The following SCCPDH variants were observed in gnomAD, a reference collection of about 807,000 sequenced individuals.
SCCPDH encodes saccharopine dehydrogenase (putative).
SCCPDH carries 34 observed loss-of-function variants against 51.5 expected under a neutral mutation model. That is an observed-to-expected ratio of 0.66 (90% CI 0.50 to 0.88). SCCPDH has a LOEUF of 0.88. SCCPDH is among the 40% of genes least tolerant of loss of function. The pLI is 0.00. For synonymous variants in SCCPDH, 187 were observed against 191.3 expected (o/e 0.98, Z 0.19); for missense variants, 464 against 527.1 (o/e 0.88, Z 1.17).
At chr1:246,740,754 T>G (rs1668663603) in intron 4 of SCCPDH, among the ~76,000 whole-genome samples, 2 of 152,210 alleles carry the variant, frequency 1.3e-5, no homozygotes, top group Non-Finnish European at 1.5e-5. Context: ...TTGAAGTTAC[T>G]GATGTTTTGC....
intron 2 of SCCPDH, among the ~76,000 whole-genome samples, chr1:246,731,188 C>A (rs141618056): frequency 2.0e-5 from 3 of 152,142 alleles, no homozygotes; most frequent in Non-Finnish European, 2.9e-5. Flanking sequence ...GTTCACCTGT[C>A]TCAGACAAGC....
At chr1:246,729,508 C>G (rs760919313) in intron 2 of SCCPDH, among the ~76,000 whole-genome samples, 10 of 152,208 alleles carry the variant, frequency 6.6e-5, no homozygotes, top group Non-Finnish European at 1.3e-4. Flanking sequence ...AGAAATATGA[C>G]TCTCTTCTGC....
intron 10 of SCCPDH, among the ~76,000 whole-genome samples, chr1:246,764,564 T>G (rs543366665): frequency 6.6e-6 from 1 of 152,336 alleles, no homozygotes; most frequent in South Asian, 2.1e-4. Flanking sequence ...CTCTGGCTGT[T>G]TTTGGAGTAT....
At chr1:246,759,782 A>G (rs942353474) in intron 7 of SCCPDH, among the ~76,000 whole-genome samples, 175 bp from the exon 8 acceptor site, 1 of 152,266 alleles carries the variant, frequency 6.6e-6, no homozygotes, top group East Asian at 1.9e-4. Flanking sequence ...CAAACAAAAA[A>G]TAGGCTCCCA....
intron 3 of SCCPDH, among the ~76,000 whole-genome samples, chr1:246,736,620 G>T (rs1572295054): frequency 6.6e-6 from 1 of 152,004 alleles, no homozygotes; most frequent in East Asian, 1.9e-4. Flanking sequence ...AGAATGGGGT[G>T]AACCTAGGAG....
intron 3 of SCCPDH, among the ~76,000 whole-genome samples, chr1:246,739,240 C>T (rs1032163244): frequency 4.6e-5 from 7 of 152,162 alleles, no homozygotes; most frequent in African/African-American, 1.7e-4. Flanking sequence ...AGCATTAACC[C>T]TGGTAAATCA....
intron 2 of SCCPDH, among the ~76,000 whole-genome samples, chr1:246,727,420 A>T (rs1416317802): frequency 6.6e-6 from 1 of 152,230 alleles, no homozygotes; most frequent in Non-Finnish European, 1.5e-5. Flanking sequence ...TATTGAATAA[A>T]TATTTATTGA....
chr1:246,735,275 A>G (rs552485769), intron 2 of SCCPDH, among the ~76,000 whole-genome samples: 8 of 152,286 alleles, frequency 5.3e-5, no homozygotes, highest in Admixed American at 2.0e-4. Context: ...CTTCCTACTC[A>G]AGTGAATTTG....
chr1:246,765,724 C>T (rs1314759994), intron 10 of SCCPDH, among the ~76,000 whole-genome samples: 1 of 152,102 alleles, frequency 6.6e-6, no homozygotes, highest in African/African-American at 2.4e-5. Context: ...AGTGTGGACT[C>T]TGGAACCAGC....
intron 9 of SCCPDH, among the ~76,000 whole-genome samples, chr1:246,761,621 C>T (rs1669017355): frequency 1.3e-5 from 2 of 152,196 alleles, no homozygotes; most frequent in African/African-American, 2.4e-5. Context: ...TTTGATGACT[C>T]CAAGTGCCTC....
intron 5 of SCCPDH, among the ~76,000 whole-genome samples, chr1:246,748,997 G>C (rs183135083): frequency 3.6e-4 from 55 of 152,346 alleles, no homozygotes; most frequent in African/African-American, 1.3e-3. Flanking sequence ...TAACTTTTCC[G>C]TCTGCCGTGA....
At position 246,766,143 on chromosome 1, in the gene SCCPDH, A is replaced by T; in HGVS notation, c.1184+4A>T. 6.3e-7 allele frequency: 1 copy of T among 1,598,516 alleles called. No individual in the cohort carries two copies. The highest frequency in any genetic ancestry group is 1.3e-5 in the African/African-American group (1 of 74,348). ...ATGCTTCTCATCTGCCTAAGGCGTAAGTTTGGTTTTCTTCCAATTAGAAGA... is the reference window on the plus strand; with the variant it reads ...ATGCTTCTCATCTGCCTAAGGCGTATGTTTGGTTTTCTTCCAATTAGAAGA... On this transcript the variant is annotated splice_donor_region_variant and intron_variant, in intron 11 of 11. Coordinates refer to ENST00000366510, the MANE Select transcript of SCCPDH (RefSeq NM_016002.3).
chr1:246,763,520 T>TTG (rs1262318593), intron 9 of SCCPDH, among the ~76,000 whole-genome samples: 4 of 152,146 alleles, frequency 2.6e-5, no homozygotes, highest in African/African-American at 4.8e-5. Context: ...TAAAATGTGT[T>TTG]TGTGTGTGTG....
intron 9 of SCCPDH, 51 bp downstream of exon 9, chr1:246,760,278 G>T: frequency 6.8e-7 from 1 of 1,476,374 alleles, no homozygotes; most frequent in South Asian, 1.2e-5. Flanking sequence ...TTTGTGCAAT[G>T]ACGGTATCAT....
intron 5 of SCCPDH, among the ~76,000 whole-genome samples, chr1:246,748,606 G>A (rs563080317): frequency 7.0e-4 from 106 of 152,254 alleles, no homozygotes; most frequent in Non-Finnish European, 1.4e-3. Flanking sequence ...TAGATGTAAT[G>A]TATCCAGTCT....
At chr1:246,760,269 T>C in intron 9 of SCCPDH, 42 bp downstream of exon 9, 1 of 1,529,478 alleles carries the variant, frequency 6.5e-7, no homozygotes, top group Non-Finnish European at 8.9e-7. Flanking sequence ...ATATTTTTCT[T>C]TGTGCAATGA....
chr1:246,732,281 A>G (rs1313981053), intron 2 of SCCPDH, among the ~76,000 whole-genome samples: 1 of 152,182 alleles, frequency 6.6e-6, no homozygotes, highest in Non-Finnish European at 1.5e-5. Context: ...CAGGGTCTGA[A>G]CTAAGATATA....
At chr1:246,766,245 G>T (rs754930688) in intron 11 of SCCPDH, 106 bp downstream of exon 11, 2 of 765,202 alleles carry the variant, frequency 2.6e-6, no homozygotes, top group Non-Finnish European at 4.3e-6. Flanking sequence ...AGCATTTATA[G>T]TTCAGTTCCT....
At chr1:246,758,629 T>C (rs757819126) in intron 6 of SCCPDH, among the ~76,000 whole-genome samples, 11 of 152,206 alleles carry the variant, frequency 7.2e-5, no homozygotes, top group Non-Finnish European at 1.3e-4. Flanking sequence ...ATAAAACATG[T>C]GAATCCTAGG....
Sources: gnomAD v4.1 joint callset for allele counts (sites outside exome capture counted in the v4.1 genomes callset) on GRCh38, gnomAD v4.1.1 for gene constraint, MANE v1.5 for transcripts, NCBI Gene and HGNC (gene_info 2026-07-23, HGNC 2026-07-21) for gene names.